The following SCAF11 variants were observed in gnomAD, a reference collection of about 807,000 sequenced individuals.
SCAF11 encodes SR-related CTD associated factor 11.
A neutral mutation model predicts 140.5 loss-of-function variants in SCAF11; 47 were observed. That is an observed-to-expected ratio of 0.33 (90% CI 0.26 to 0.43). The LOEUF is 0.43. Among genes scored for constraint, SCAF11 ranks in the 20% least tolerant of loss-of-function variants. SCAF11 has a pLI of 1.00. For synonymous variants in SCAF11, 557 were observed against 579.4 expected, an observed-to-expected ratio of 0.96 and a Z score of 0.55; for missense variants, 1,645 against 1,705.1, an observed-to-expected ratio of 0.96 and a Z score of 0.62.
At chr12:45,957,554 GA>G (rs1945720505) in intron 3 of SCAF11, among the ~76,000 whole-genome samples, 1 of 152,114 alleles carries the variant, frequency 6.6e-6, no homozygotes, top group South Asian at 2.1e-4. Context: ...GCCGAATTTT[GA>G]TTTCATTAAC....
chr12:45,967,168 G>A (rs962411159), intron 1 of SCAF11, among the ~76,000 whole-genome samples: 3 of 151,916 alleles, frequency 2.0e-5, no homozygotes, highest in Admixed American at 1.3e-4. Flanking sequence ...TGGGAGGATC[G>A]CTTGAGCCCA....
intron 6 of SCAF11, among the ~76,000 whole-genome samples, chr12:45,940,401 C>T (rs1048997583): frequency 1.1e-4 from 16 of 152,192 alleles, no homozygotes; most frequent in African/African-American, 3.9e-4. Flanking sequence ...AGGTTGCAGA[C>T]AACCATAAAG....
intron 3 of SCAF11, among the ~76,000 whole-genome samples, chr12:45,952,176 A>T (rs906355361): frequency 6.6e-6 from 1 of 152,174 alleles, no homozygotes; most frequent in African/African-American, 2.4e-5. Flanking sequence ...AAAACATTTG[A>T]AAGATATGAA....
chr12:45,964,801 G>C (rs957791518), intron 1 of SCAF11, among the ~76,000 whole-genome samples: 2 of 152,230 alleles, frequency 1.3e-5, no homozygotes, highest in Non-Finnish European at 2.9e-5. Context: ...AGTTTTCAGA[G>C]AATGTGATAG....
At chr12:45,932,342 A>G (rs1161039177) in intron 9 of SCAF11, among the ~76,000 whole-genome samples, 1 of 148,128 alleles carries the variant, frequency 6.8e-6, no homozygotes, top group Admixed American at 6.6e-5. Flanking sequence ...ACAAAAGACT[A>G]TCTGATTCAA....
Position 45,926,594 on chromosome 12 carries a change from G to T in SCAF11, c.3107C>A (p.Thr1036Asn). ...EKINSGPDPR[T>N]RNPEKLKESH... ...CTCTTTCAACTTTTCTGGATTTCTG[G>T]TTCTTGGATCAGGCCCAGAGTTTAT... The change falls in exon 11 of 15, where the codon ACC becomes AAC. Residue 1036 changes from threonine to asparagine, a missense_variant. Physicochemically the swap from Thr to Asn is moderately conservative, Grantham distance 65 (BLOSUM62 0). Around this residue, in one of 2 missense-constraint regions of SCAF11, gnomAD observed 1,582 missense variants for 1,609.2 expected, o/e 0.98. Transcript: ENST00000369367. 6.2e-7 allele frequency: 1 copy of T among 1,613,236 alleles called. No homozygotes were observed. Among genetic ancestry groups the T allele is most frequent in the East Asian group, 2.2e-5 (1 of 44,870 alleles).
In SCAF11 at chr12:45,927,474, G is replaced by A; in HGVS notation, c.2227C>T (p.Gln743Ter). ...TGTGTCACAGAATTTTCATTCATTT[G>A]TTTAAGATCAGCATTTACAGATGGT... Reference protein sequence around the residue: ...VEPSVNADLKQMNENSVTHCS... With the variant: ...VEPSVNADLK Residue 743 changes from glutamine to a stop codon, truncating the protein, a stop_gained, in exon 11 of 15, where the codon CAA becomes TAA. Coordinates refer to ENST00000369367, the MANE Select transcript of SCAF11 (RefSeq NM_004719.3). LOFTEE classifies it high-confidence loss of function. The A allele has an allele frequency of 3.1e-6, 5 of 1,613,554 alleles. No homozygotes were observed. Among genetic ancestry groups the A allele is most frequent in the Non-Finnish European group, 4.2e-6 (5 of 1,179,924 alleles).
chr12:45,945,685 C>T (rs1945406765), intron 5 of SCAF11, among the ~76,000 whole-genome samples: 1 of 151,820 alleles, frequency 6.6e-6, no homozygotes, highest in Non-Finnish European at 1.5e-5. Flanking sequence ...TACAGGCATG[C>T]ACCACCTTGT....
At chr12:45,932,733 C>G (rs1384923151) in intron 9 of SCAF11, among the ~76,000 whole-genome samples, 1 of 151,894 alleles carries the variant, frequency 6.6e-6, no homozygotes, top group Non-Finnish European at 1.5e-5. Context: ...GGCACTTGAT[C>G]AAATAGTTAT....
chr12:45,985,509 G>A (rs1207867773), intron 1 of SCAF11, among the ~76,000 whole-genome samples: 1 of 152,190 alleles, frequency 6.6e-6, no homozygotes, highest in South Asian at 2.1e-4. Context: ...ACTGAAGGCC[G>A]AAAGTCAGAT....
intron 1 of SCAF11, among the ~76,000 whole-genome samples, chr12:45,977,455 G>T (rs575098386): frequency 6.6e-6 from 1 of 152,046 alleles, no homozygotes; most frequent in Non-Finnish European, 1.5e-5. Context: ...AGTTTTTGGC[G>T]GGGGTGGGAT....
intron 6 of SCAF11, among the ~76,000 whole-genome samples, chr12:45,940,266 A>C (rs944463946): frequency 3.3e-5 from 5 of 152,224 alleles, no homozygotes; most frequent in Admixed American, 2.0e-4. Flanking sequence ...CAGTTAACTG[A>C]TAAGTGGGGA....
At chr12:45,925,977 G>A (rs1306594574) in intron 11 of SCAF11, among the ~76,000 whole-genome samples, 165 bp downstream of exon 11, 2 of 152,100 alleles carry the variant, frequency 1.3e-5, no homozygotes, top group Non-Finnish European at 2.9e-5. Flanking sequence ...GTAGATAAAC[G>A]TACGTGTATA....
intron 6 of SCAF11, among the ~76,000 whole-genome samples, chr12:45,938,272 C>G (rs1238214879): frequency 1.5e-4 from 23 of 152,074 alleles, no homozygotes; most frequent in Admixed American, 1.4e-3. Context: ...GGCGGATCAC[C>G]TGAGGTCAGG....
rs1341470912 is a variant in SCAF11 at position 45,923,161 on chromosome 12, T to A, written c.3907-7A>T. On this transcript the variant is annotated splice_polypyrimidine_tract_variant and splice_region_variant and intron_variant, in intron 12 of 14. Coordinates refer to ENST00000369367, the MANE Select transcript of SCAF11 (RefSeq NM_004719.3). Reference sequence around the variant, plus strand: ...GAGAAGAACTAGGAATACCCTGTTTTAAAGAGTTATCATCAGTTAATGAAT... The same window carrying A: ...GAGAAGAACTAGGAATACCCTGTTTAAAAGAGTTATCATCAGTTAATGAAT... The A allele has an allele frequency of 6.2e-7, 1 of 1,606,016 alleles. No homozygotes were observed. The highest frequency in any genetic ancestry group is 8.5e-7 in the Non-Finnish European group (1 of 1,172,760).
At chr12:45,968,514 T>C (rs1321713516) in intron 1 of SCAF11, among the ~76,000 whole-genome samples, 2 of 152,162 alleles carry the variant, frequency 1.3e-5, no homozygotes, top group South Asian at 2.1e-4. Flanking sequence ...TAAGAAGGTA[T>C]TAAAGCTTGG....
chr12:45,923,535 TGGCTTGTAGTAAGTTGACAGGAGAAAAAA>T (rs1403180299), intron 12 of SCAF11, among the ~76,000 whole-genome samples: 2 of 152,100 alleles, frequency 1.3e-5, no homozygotes, highest in Non-Finnish European at 2.9e-5. Context: ...TAAAGTCAAA[TGGCTTGTAGTAAGTTGACAGGAGAAAAAA>T]GGCTTGCAGT....
chr12:45,959,271 TAAAA>T (rs879300794), intron 3 of SCAF11, among the ~76,000 whole-genome samples: 1 of 130,134 alleles, frequency 7.7e-6, no homozygotes, highest in African/African-American at 2.9e-5. Context: ...CTGTCTCAAA[TAAAA>T]AAAAAAAAAG....
chr12:45,931,523 A>G lies in SCAF11; in HGVS notation c.824T>C (p.Ile275Thr), dbSNP rs1483111938. 2 of 1,464,808 alleles carry G rather than the reference A, an allele frequency of 1.4e-6. No homozygotes were observed. The highest frequency in any genetic ancestry group is 1.8e-6 in the Non-Finnish European group (2 of 1,108,084). 90.7% of individuals were successfully genotyped at this position (1,464,808 alleles called of 1,614,324 possible). ...AACTTTACCAAAATGTTCGAAAGAT[A>G]TGGTACTTGTTGGAAAAATAGTTCT... ...LPRTIFPTST[I>T]SFEHFGTSCK... The change falls in exon 10 of 15, where the codon ATA becomes ACA. Residue 275 changes from isoleucine (I) to threonine (T), a missense_variant. Physicochemically the swap from Ile to Thr is moderately conservative, Grantham distance 89. This residue lies in a region of SCAF11 where 1,582 missense variants were observed against 1,609.2 expected (regional missense o/e 0.98). Coordinates refer to ENST00000369367, the MANE Select transcript of SCAF11 (RefSeq NM_004719.3).
Sources: allele counts gnomAD v4.1 joint callset (sites outside exome capture counted in the v4.1 genomes callset), GRCh38; gene constraint gnomAD v4.1.1; regional missense constraint gnomAD v4.1.1; transcripts MANE v1.5; gene names NCBI Gene and HGNC (gene_info 2026-07-23, HGNC 2026-07-21).